CNTNAP5: variants seen among roughly 807,000 people sequenced by gnomAD.
CNTNAP5 encodes contactin associated protein family member 5, also known as contactin-associated protein-like 5.
Under a neutral mutation model 150.2 loss-of-function variants are expected in CNTNAP5, and 72 were observed. The observed-to-expected ratio is 0.48, with a 90% confidence interval of 0.40 to 0.58. The LOEUF (loss-of-function observed/expected upper bound fraction) is 0.58, where lower values mean the gene tolerates loss of function less well. CNTNAP5 is among the 20% of genes least tolerant of loss of function. The pLI, the probability that CNTNAP5 is intolerant of heterozygous loss-of-function variation, is 0.00. For missense variants in CNTNAP5, 1,636 were observed against 1,626.2 expected (o/e 1.01, Z -0.10); for synonymous variants, 672 against 619.8 (o/e 1.08, Z -1.25).
intron 3 of CNTNAP5, among the ~76,000 whole-genome samples, chr2:124,249,065 C>G (rs1055314352): frequency 1.3e-5 from 2 of 152,098 alleles, no homozygotes; most frequent in African/African-American, 4.8e-5. Flanking sequence ...GTCTCCAAAA[C>G]CTAAGCTCTG....
At chr2:124,885,233 T>C (rs1261651713) in intron 21 of CNTNAP5, among the ~76,000 whole-genome samples, 1 of 151,950 alleles carries the variant, frequency 6.6e-6, no homozygotes, top group Non-Finnish European at 1.5e-5. Flanking sequence ...TCATAAGGTC[T>C]TGCAATTGAT....
intron 13 of CNTNAP5, among the ~76,000 whole-genome samples, chr2:124,667,405 T>C (rs2105052738): frequency 6.6e-6 from 1 of 152,364 alleles, no homozygotes; most frequent in Admixed American, 6.5e-5. Flanking sequence ...AGTCTGAATA[T>C]GAGAGTATCT....
chr2:124,158,449 G>A (rs1340561426), intron 1 of CNTNAP5, among the ~76,000 whole-genome samples: 2 of 152,090 alleles, frequency 1.3e-5, no homozygotes, highest in African/African-American at 2.4e-5. Flanking sequence ...TAATACTTGC[G>A]TATGTCACTT....
chr2:124,868,795 A>C (rs1677684787), intron 20 of CNTNAP5, among the ~76,000 whole-genome samples: 1 of 152,152 alleles, frequency 6.6e-6, no homozygotes, highest in African/African-American at 2.4e-5. Context: ...GTGCAAAGTC[A>C]GGCACATGGC....
chr2:124,084,278 T>A (rs1682627590), intron 1 of CNTNAP5, among the ~76,000 whole-genome samples: 1 of 152,162 alleles, frequency 6.6e-6, no homozygotes, highest in East Asian at 1.9e-4. Flanking sequence ...GAGGTTTTTT[T>A]TTTTTCCTCA....
chr2:124,396,808 A>C (rs949930557), intron 3 of CNTNAP5, among the ~76,000 whole-genome samples: 2 of 152,212 alleles, frequency 1.3e-5, no homozygotes, highest in Non-Finnish European at 2.9e-5. Context: ...TGTCAACAAC[A>C]ACAATAATAA....
intron 2 of CNTNAP5, among the ~76,000 whole-genome samples, chr2:124,238,790 C>T (rs952220928): frequency 2.6e-5 from 4 of 152,084 alleles, no homozygotes; most frequent in Admixed American, 6.6e-5. Flanking sequence ...AGGTGCAGTG[C>T]GTTTTTATAG....
chr2:124,879,338 A>G (rs190307525), intron 21 of CNTNAP5, among the ~76,000 whole-genome samples: 166 of 152,274 alleles, frequency 1.1e-3, no homozygotes, highest in African/African-American at 3.8e-3. Flanking sequence ...GCACACACAT[A>G]TATGTATAAT....
chr2:124,552,600 TACACACATGC>T (rs775840821), intron 10 of CNTNAP5, among the ~76,000 whole-genome samples: 49 of 152,310 alleles, frequency 3.2e-4, no homozygotes, highest in East Asian at 1.9e-3. Flanking sequence ...AGCAAGCATA[TACACACATGC>T]ACACACATGC....
At chr2:124,796,187 G>T (rs6745265) in intron 18 of CNTNAP5, among the ~76,000 whole-genome samples, 13,279 of 152,048 alleles carry the variant, frequency 0.087, 1,064 homozygotes, top group African/African-American at 0.21. Flanking sequence ...CAGAAATTTG[G>T]TTTGACATTT....
At chr2:124,729,937 C>T (rs1680236203) in intron 13 of CNTNAP5, among the ~76,000 whole-genome samples, 1 of 151,928 alleles carries the variant, frequency 6.6e-6, no homozygotes, top group Admixed American at 6.6e-5. Context: ...GCTGAAAGGC[C>T]CTTTAATTGA....
chr2:124,319,172 T>C (rs984185112), intron 3 of CNTNAP5, among the ~76,000 whole-genome samples: 3 of 152,238 alleles, frequency 2.0e-5, no homozygotes, highest in African/African-American at 7.2e-5. Flanking sequence ...AAGGTTCTCT[T>C]GCCCAGTTAT....
chr2:124,076,967 G>A (rs1682452118), intron 1 of CNTNAP5, among the ~76,000 whole-genome samples: 3 of 152,052 alleles, frequency 2.0e-5, no homozygotes, highest in Admixed American at 1.3e-4. Context: ...CAGAACCTCA[G>A]TGTCCTCCTT....
At chr2:124,135,783 T>TTG (rs1033611581) in intron 1 of CNTNAP5, among the ~76,000 whole-genome samples, 1 of 152,244 alleles carries the variant, frequency 6.6e-6, no homozygotes, top group Non-Finnish European at 1.5e-5. Flanking sequence ...GTTTTGTGTT[T>TTG]TGTGTGTGTG....
At chr2:124,174,837 C>G (rs1685022587) in intron 1 of CNTNAP5, among the ~76,000 whole-genome samples, 1 of 152,172 alleles carries the variant, frequency 6.6e-6, no homozygotes, top group Non-Finnish European at 1.5e-5. Context: ...ATCCATGTGG[C>G]AAACTTCATT....
chr2:124,876,366 C>T (rs1300287887), intron 21 of CNTNAP5, among the ~76,000 whole-genome samples: 1 of 151,384 alleles, frequency 6.6e-6, no homozygotes, highest in African/African-American at 2.4e-5. Context: ...TTCTCAGAAG[C>T]AAGTTGAGCT....
rs564308470 is a variant in CNTNAP5, at chr2:124,491,178, T to C, written c.1063-13114T>C. Reference sequence around the variant, plus strand: ...CCCAGGAACTTGTTTGAACATCTTATAATTGAAAGTTTGTACCCTTTGATT... The same window carrying C: ...CCCAGGAACTTGTTTGAACATCTTACAATTGAAAGTTTGTACCCTTTGATT... On this transcript the variant is annotated intron_variant, in intron 7 of 23. Coordinates refer to ENST00000682447, the MANE Select transcript of CNTNAP5 (RefSeq NM_001367498.1). 2.0e-5 allele frequency among the ~76,000 whole-genome samples: 3 copies of C among 152,274 alleles called. No homozygotes were observed. In the East Asian group the frequency reaches 5.8e-4, roughly 29 times the overall value.
chr2:124,883,310 T>A (rs1211300908), intron 21 of CNTNAP5, among the ~76,000 whole-genome samples: 1 of 151,864 alleles, frequency 6.6e-6, no homozygotes, highest in East Asian at 1.9e-4. Context: ...AATCTATGTG[T>A]CTCAGTCTCC....
At position 124,025,363 on chromosome 2, in the gene CNTNAP5, G is replaced by A. The variant is rs186364180; in HGVS notation, c.-288G>A. On this transcript the variant is annotated 5_prime_UTR_variant, in exon 1 of 24. Coordinates refer to ENST00000682447, the MANE Select transcript of CNTNAP5 (RefSeq NM_001367498.1). ...GGCGCCTGTCGTTCTAATTGGGTTT[G>A]GATTTGCACCGTTAAGGAGGGGGGA... The A allele has an allele frequency of 4.7e-6, 2 of 429,262 alleles. No individual in the cohort carries two copies. Among genetic ancestry groups the A allele is most frequent in the South Asian group, 5.5e-5 (2 of 36,654 alleles). The allele number at this position is 429,262 out of a possible 1,614,324, so 26.6% of individuals were successfully genotyped here.
Sources: gnomAD v4.1 joint callset for allele counts (sites outside exome capture counted in the v4.1 genomes callset) on GRCh38, gnomAD v4.1.1 for gene constraint, MANE v1.5 for transcripts, NCBI Gene and HGNC (gene_info 2026-07-23, HGNC 2026-07-21) for gene names.